The following HACD2 variants were observed in gnomAD, a reference collection of about 807,000 sequenced individuals.
The protein encoded by HACD2 is 3-hydroxyacyl-CoA dehydratase 2.
In HACD2, 15 loss-of-function variants were observed where a neutral mutation model predicts 31.0. That is an observed-to-expected ratio of 0.48 (90% CI 0.32 to 0.75). The LOEUF (loss-of-function observed/expected upper bound fraction) is 0.75, where lower values mean the gene tolerates loss of function less well. Ranked by LOEUF, HACD2 falls within the 30% of genes least tolerant of loss-of-function variation. The probability of loss-of-function intolerance (pLI) is 0.03; values close to 1 mark genes in which losing one functional copy is unlikely to be tolerated. For missense variants in HACD2, 283 were observed against 313.0 expected, an observed-to-expected ratio of 0.90 and a Z score of 0.72; for synonymous variants, 115 against 122.2, an observed-to-expected ratio of 0.94 and a Z score of 0.39.
intron 4 of HACD2, among the ~76,000 whole-genome samples, chr3:123,505,144 G>A (rs1576730553): frequency 6.6e-6 from 1 of 152,214 alleles, no homozygotes; most frequent in Non-Finnish European, 1.5e-5. Context: ...ATCATGCTAA[G>A]TAAAATAAGC....
At chr3:123,531,304 T>C (rs985934776) in intron 3 of HACD2, among the ~76,000 whole-genome samples, 3 of 140,156 alleles carry the variant, frequency 2.1e-5, no homozygotes, top group African/African-American at 7.4e-5. Context: ...ATGCCATACA[T>C]AAATTAACAG....
At position 123,572,436 on chromosome 3, in the gene HACD2, A is replaced by G. The variant is rs140234802; in HGVS notation, c.274-4656T>C. 3.5e-3 allele frequency among the ~76,000 whole-genome samples: 535 copies of G among 152,296 alleles called. 3 individuals carry two copies. The highest frequency in any genetic ancestry group is 6.2e-3 in the Non-Finnish European group (423 of 68,018). ...GGCAGGAGGATCACTTGAGCCCAAG[A>G]GGTTGAGGCTGCAATGAGCTACAAT... On this transcript the variant is annotated intron_variant, in intron 2 of 6. Transcript: ENST00000383657.
At chr3:123,537,576 A>AAC (rs1408070478) in intron 3 of HACD2, among the ~76,000 whole-genome samples, 1 of 148,828 alleles carries the variant, frequency 6.7e-6, no homozygotes, top group Admixed American at 6.7e-5. Flanking sequence ...AACAACAACA[A>AAC]ATACACATAC....
chr3:123,523,449 A>G (rs566243495), intron 4 of HACD2, among the ~76,000 whole-genome samples: 3 of 152,262 alleles, frequency 2.0e-5, no homozygotes, highest in African/African-American at 7.2e-5. Context: ...CATCTTCACA[A>G]AAACGGCAGT....
chr3:123,557,536 G>A (rs1319829653), intron 3 of HACD2, among the ~76,000 whole-genome samples: 1 of 152,160 alleles, frequency 6.6e-6, no homozygotes, highest in Non-Finnish European at 1.5e-5. Flanking sequence ...CTACTTGGGA[G>A]GCTGGGGCAG....
chr3:123,562,910 A>G (rs1327955963), intron 3 of HACD2, among the ~76,000 whole-genome samples: 1 of 152,238 alleles, frequency 6.6e-6, no homozygotes, highest in Non-Finnish European at 1.5e-5. Flanking sequence ...TAAGTGATCT[A>G]AGTAAAAATG....
intron 3 of HACD2, among the ~76,000 whole-genome samples, chr3:123,533,699 G>T (rs575745628): frequency 3.9e-5 from 6 of 152,114 alleles, no homozygotes; most frequent in Non-Finnish European, 5.9e-5. Context: ...TTTGTGGAGC[G>T]CCTACTCTGT....
rs142420123 is a variant in HACD2 at position 123,568,424 on chromosome 3, G to A, written c.274-644C>T. The stretch of plus-strand genomic sequence containing the variant: ...CACACGCTTTCCTTCCATTCCGCCC[G>A]TTATCCCTCTTGATAACCAGCCTCC... On this transcript the variant is annotated intron_variant, in intron 2 of 6. Transcript: ENST00000383657. 4.7e-3 allele frequency among the ~76,000 whole-genome samples: 718 copies of A among 152,294 alleles called. 8 individuals are homozygous for A. Among genetic ancestry groups the A allele is most frequent in the African/African-American group, 0.015 (639 of 41,546 alleles).
chr3:123,565,189 T>C (rs2056777609), intron 3 of HACD2, among the ~76,000 whole-genome samples: 1 of 152,150 alleles, frequency 6.6e-6, no homozygotes, highest in African/African-American at 2.4e-5. Flanking sequence ...TTTCCAGGTG[T>C]AGAGAAATTT....
At chr3:123,556,987 G>GTTT (rs2056679452) in intron 3 of HACD2, among the ~76,000 whole-genome samples, 1 of 152,308 alleles carries the variant, frequency 6.6e-6, no homozygotes, top group Non-Finnish European at 1.5e-5. Flanking sequence ...AAAAGATACT[G>GTTT]TAAAGGGAAT....
At chr3:123,507,256 A>C (rs2055988560) in intron 4 of HACD2, among the ~76,000 whole-genome samples, 1 of 152,210 alleles carries the variant, frequency 6.6e-6, no homozygotes, top group Admixed American at 6.5e-5. Flanking sequence ...CCTGTCTCTT[A>C]AAAGAAGAAA....
chr3:123,492,234 T>C lies in HACD2; in HGVS notation c.*2654A>G, dbSNP rs2055772912. Reference sequence around the variant, plus strand: ...CTACTGCGGACCTCAAAGAATTCTCTGTCAGAAGAAGGCCCCCACGGAGGG... The same window carrying C: ...CTACTGCGGACCTCAAAGAATTCTCCGTCAGAAGAAGGCCCCCACGGAGGG... On this transcript the variant is annotated 3_prime_UTR_variant, in exon 7 of 7. Transcript: ENST00000383657. The C allele has an allele frequency of 6.6e-6, 1 of 152,224 alleles. No individual in the cohort carries two copies. The highest frequency in any genetic ancestry group is 1.5e-5 in the Non-Finnish European group (1 of 68,050). The allele number at this position is 152,224 out of a possible 1,614,324, so 9.4% of individuals were successfully genotyped here. A position where few individuals can be genotyped will look rare whatever the true frequency, so the allele number is the denominator to read the frequency against.
At position 123,500,693 on chromosome 3, in the gene HACD2, C is replaced by T. The variant is rs749293643; in HGVS notation, c.504G>A (p.Arg168=). Residue 168 remains arginine, a splice_region_variant and synonymous_variant, in exon 6 of 7, where the codon AGG becomes AGA. Transcript: ENST00000383657. ...GGTACAGCACAATGAAAAGTGTGTA[C>T]CTAAAACAAAACAAAATATTCATTA... is the stretch of plus-strand genomic sequence containing the variant. ...NHLPYLIKWA[R]YTLFIVLYPM... is the part of the protein sequence containing the mutation. The T allele has an allele frequency of 4.5e-5, 71 of 1,584,188 alleles. No homozygotes were observed. Among genetic ancestry groups the T allele is most frequent in the Admixed American group, 1.9e-5 (1 of 51,506 alleles).
intron 4 of HACD2, among the ~76,000 whole-genome samples, chr3:123,507,381 G>A (rs972680147): frequency 6.6e-6 from 1 of 151,858 alleles, no homozygotes; most frequent in Non-Finnish European, 1.5e-5. Flanking sequence ...ATGGATAAAC[G>A]ACAAGTGATA....
chr3:123,540,009 C>G (rs2056470250), intron 3 of HACD2, among the ~76,000 whole-genome samples: 1 of 145,442 alleles, frequency 6.9e-6, no homozygotes, highest in African/African-American at 2.5e-5. Context: ...ATCACTGAGC[C>G]TGAGTCTGAG....
chr3:123,503,940 A>C (rs2055940574), intron 4 of HACD2, among the ~76,000 whole-genome samples: 1 of 152,234 alleles, frequency 6.6e-6, no homozygotes, highest in South Asian at 2.1e-4. Flanking sequence ...GTCCACCTAC[A>C]CAATGAAATA....
intron 2 of HACD2, among the ~76,000 whole-genome samples, chr3:123,577,160 A>G (rs1173375810): frequency 2.6e-5 from 4 of 152,212 alleles, no homozygotes; most frequent in African/African-American, 7.2e-5. Context: ...CCTGTGGTCC[A>G]TCAGGAAGTC....
At position 123,502,564 on chromosome 3, in the gene HACD2, C is replaced by A; in HGVS notation, c.499G>T (p.Ala167Ser). 1.2e-6 allele frequency: 2 copies of A among 1,610,332 alleles called. No homozygotes were observed. The highest frequency in any genetic ancestry group is 1.7e-5 in the Admixed American group (1 of 59,730). Reference sequence around the variant, plus strand: ...TTTTGAAATGTGCTTTTTTACCTGGCCCATTTGATGAGGTAAGGCAGATGG... The same window carrying A: ...TTTTGAAATGTGCTTTTTTACCTGGACCATTTGATGAGGTAAGGCAGATGG... ...LNHLPYLIKWARYTLFIVLYP... is the reference protein window; with the variant it reads ...LNHLPYLIKWSRYTLFIVLYP... Residue 167 changes from alanine to serine, a missense_variant, in exon 5 of 7, where the codon GCC becomes TCC. By Grantham distance (99) the Ala-to-Ser change is moderately conservative. Transcript: ENST00000383657.
At chr3:123,563,749 A>C (rs963687521) in intron 3 of HACD2, among the ~76,000 whole-genome samples, 27 of 152,198 alleles carry the variant, frequency 1.8e-4, no homozygotes, top group Non-Finnish European at 3.2e-4. Context: ...GCTAATTAAC[A>C]TATGCATCAC....
Sources: allele counts gnomAD v4.1 joint callset (sites outside exome capture counted in the v4.1 genomes callset), GRCh38; gene constraint gnomAD v4.1.1; transcripts MANE v1.5; gene names NCBI Gene and HGNC (gene_info 2026-07-23, HGNC 2026-07-21).